KIAA0930: variants seen among roughly 807,000 people sequenced by gnomAD.
KIAA0930 encodes uncharacterized protein KIAA0930.
In KIAA0930, 24 loss-of-function variants were observed where a neutral mutation model predicts 43.9. That is an observed-to-expected ratio of 0.55 (90% CI 0.40 to 0.77). KIAA0930 has a LOEUF of 0.77. Ranked by LOEUF, KIAA0930 falls within the 30% of genes least tolerant of loss-of-function variation. The pLI is 0.00. For synonymous variants in KIAA0930, 259 were observed against 216.4 expected, an observed-to-expected ratio of 1.20 and a Z score of -1.73; for missense variants, 461 against 574.2, an observed-to-expected ratio of 0.80 and a Z score of 2.02.
At position 45,197,886 on chromosome 22, in the gene KIAA0930, C is replaced by CCAGGGACCGTCCTGTGCCCGA; in HGVS notation, c.1057_1077dup (p.Ser353_Leu359dup). 6.2e-7 allele frequency: 1 copy of CCAGGGACCGTCCTGTGCCCGA among 1,614,206 alleles called. No homozygotes were observed. The highest frequency in any genetic ancestry group is 8.5e-7 in the Non-Finnish European group (1 of 1,180,018). ...CTGTTCAGCTTCAGCCAGGACCCGA[C>CCAGGGACCGTCCTGTGCCCGA]CAGGGACCGTCCTGTGCCCGACAGG... is the stretch of plus-strand genomic sequence containing the variant. On this transcript the variant is annotated inframe_insertion, in exon 9 of 10. Coordinates refer to ENST00000336156, the MANE Select transcript of KIAA0930 (RefSeq NM_001009880.2).
chr22:45,205,412 A>G (rs986674608), intron 4 of KIAA0930, 94 bp from the exon 5 acceptor site: 1 of 1,142,746 alleles, frequency 8.8e-7, no homozygotes, highest in Non-Finnish European at 1.3e-6. Flanking sequence ...CACCCGGCCC[A>G]GAGCCAGTCC....
intron 1 of KIAA0930, among the ~76,000 whole-genome samples, chr22:45,233,578 C>A (rs1415718185): frequency 6.6e-6 from 1 of 152,122 alleles, no homozygotes; most frequent in Non-Finnish European, 1.5e-5. Context: ...AGCTGCAGAA[C>A]AGCCCGGGTG....
chr22:45,225,114 C>A (rs2083790754), intron 1 of KIAA0930, among the ~76,000 whole-genome samples: 1 of 152,100 alleles, frequency 6.6e-6, no homozygotes, highest in South Asian at 2.1e-4. Context: ...GTCCAGGCGG[C>A]CCTTGGCCCT....
intron 1 of KIAA0930, among the ~76,000 whole-genome samples, chr22:45,228,772 C>CCCCTACCACCACTCACCCGAAAG (rs1287985965): frequency 0.016 from 189 of 11,798 alleles, 43 homozygotes; most frequent in South Asian, 0.042. Flanking sequence ...GATCCCTCCC[C>CCCCTACCACCACTCACCCGAAAG]ATCCCCCCCA....
At chr22:45,238,051 G>T (rs978311715) in intron 1 of KIAA0930, among the ~76,000 whole-genome samples, 2 of 151,828 alleles carry the variant, frequency 1.3e-5, no homozygotes, top group Non-Finnish European at 2.9e-5. Flanking sequence ...CTCCTGAGTA[G>T]CTGCGACTAT....
intron 1 of KIAA0930, among the ~76,000 whole-genome samples, chr22:45,222,454 C>T (rs889070034): frequency 3.3e-5 from 5 of 152,054 alleles, no homozygotes; most frequent in Non-Finnish European, 7.4e-5. Flanking sequence ...GGACTATAGG[C>T]GCACGCCACC....
intron 9 of KIAA0930, 144 bp downstream of exon 9, chr22:45,197,646 A>G: frequency 1.4e-5 from 11 of 785,902 alleles, no homozygotes; most frequent in Middle Eastern, 2.7e-4. Context: ...GTCTGAGACA[A>G]AGAGGCCAAG....
intron 7 of KIAA0930, chr22:45,200,966 G>T (rs766032834): frequency 2.9e-5 from 15 of 519,152 alleles, no homozygotes; most frequent in East Asian, 2.2e-4. Context: ...GGTGAAGAAG[G>T]GGGGGAAGGG....
chr22:45,229,453 G>C (rs937196578), intron 1 of KIAA0930, among the ~76,000 whole-genome samples: 24 of 151,930 alleles, frequency 1.6e-4, no homozygotes, highest in African/African-American at 5.3e-4. Flanking sequence ...GGGATGAAAA[G>C]TCAGAGCCGT....
At chr22:45,240,027 G>A (rs988658853) in intron 1 of KIAA0930, among the ~76,000 whole-genome samples, 22 of 152,126 alleles carry the variant, frequency 1.4e-4, no homozygotes, top group African/African-American at 5.3e-4. Flanking sequence ...ATGACTTAAA[G>A]CCCAGAATCA....
chr22:45,203,013 G>T lies in KIAA0930; in HGVS notation c.829C>A (p.Pro277Thr). 6.2e-7 allele frequency: 1 copy of T among 1,612,002 alleles called. No individual in the cohort carries two copies. The highest frequency in any genetic ancestry group is 8.5e-7 in the Non-Finnish European group (1 of 1,179,078). ...SPCGTEEDSS[P>T]ASPMHERVTS... ...ACCCGCTCGTGCATGGGCGAAGCTG[G>T]GCTGGAGTCCTCTTCAGTCCCACAG... Residue 277 changes from proline to threonine, a missense_variant, in exon 7 of 10, where the codon CCA (proline) becomes ACA (threonine). Pro to Thr is a conservative substitution (Grantham distance 38, BLOSUM62 -1). Transcript: ENST00000336156.
At chr22:45,239,149 G>A (rs948662874) in intron 1 of KIAA0930, among the ~76,000 whole-genome samples, 14 of 152,314 alleles carry the variant, frequency 9.2e-5, no homozygotes, top group Admixed American at 7.2e-4. Flanking sequence ...GACAATAGGT[G>A]TGTGTGGACA....
intron 1 of KIAA0930, among the ~76,000 whole-genome samples, chr22:45,237,541 A>T (rs760722488): frequency 1.3e-5 from 2 of 152,266 alleles, no homozygotes; most frequent in Non-Finnish European, 2.9e-5. Context: ...ACACTGACTC[A>T]GAGAATGACA....
intron 7 of KIAA0930, chr22:45,200,943 T>G (rs1188680356): frequency 2.0e-6 from 1 of 494,824 alleles, no homozygotes; most frequent in Non-Finnish European, 4.2e-6. Flanking sequence ...GAAGGACGAG[T>G]AGGAGTTCGC....
Position 45,196,373 on chromosome 22 carries a change from C to T in KIAA0930, c.*803G>A, listed in dbSNP as rs1601805095. Reference sequence around the variant, plus strand: ...GGAGGATGCCAGCCCCACCCCACATCAGACACCCTTTGGCAGATATCCTGT... The same window carrying T: ...GGAGGATGCCAGCCCCACCCCACATTAGACACCCTTTGGCAGATATCCTGT... On this transcript the variant is annotated 3_prime_UTR_variant, in exon 10 of 10. Transcript: ENST00000336156. The surrounding 1 kb of genome is among the most constrained non-coding windows in gnomAD (Gnocchi z 4.1). 1 of 152,724 alleles carries T rather than the reference C, an allele frequency of 6.5e-6. No individual in the cohort carries two copies. Among genetic ancestry groups the T allele is most frequent in the East Asian group, 1.9e-4 (1 of 5,204 alleles). 9.5% of individuals were successfully genotyped at this position (152,724 alleles called of 1,614,324 possible).
In KIAA0930 at chr22:45,197,168, G is replaced by C. The variant is rs576071946; in HGVS notation, c.*8C>G. The C allele has an allele frequency of 2.1e-5, 33 of 1,547,108 alleles. No individual in the cohort carries two copies. The South Asian group carries it at 3.4e-4, about 16-fold the overall frequency. On this transcript the variant is annotated 3_prime_UTR_variant, in exon 10 of 10. Coordinates refer to ENST00000336156, the MANE Select transcript of KIAA0930 (RefSeq NM_001009880.2). The stretch of plus-strand genomic sequence containing the variant: ...CCGGCCGGGGCTCTGCGCAGGCTCC[G>C]CACGCGGCTAGGTCATCAGGATGGG...
At chr22:45,228,699 C>A (rs146570130) in intron 1 of KIAA0930, among the ~76,000 whole-genome samples, 2 of 147,574 alleles carry the variant, frequency 1.4e-5, no homozygotes, top group Admixed American at 6.9e-5. Flanking sequence ...TCTCCACCCC[C>A]CCAACCACCA....
intron 1 of KIAA0930, among the ~76,000 whole-genome samples, chr22:45,228,899 A>T (rs371073059): frequency 1.3e-3 from 2 of 1,550 alleles, no homozygotes; most frequent in Non-Finnish European, 9.9e-4. Flanking sequence ...CCATCCCCCC[A>T]ACCACTCACC....
chr22:45,205,819 C>T lies in KIAA0930; in HGVS notation c.310G>A (p.Val104Ile), dbSNP rs146302383. ...TTCTGCAGGATGAGATTCAGGCAGACGCTCTCCTCCCAGTCGATGTCAGGG... is the reference window on the plus strand; with the variant it reads ...TTCTGCAGGATGAGATTCAGGCAGATGCTCTCCTCCCAGTCGATGTCAGGG... ...GDPDIDWEES[V>I]CLNLILQKLD... Residue 104 changes from valine to isoleucine, a missense_variant, in exon 3 of 10, where the codon GTC becomes ATC. Coordinates refer to ENST00000336156, the MANE Select transcript of KIAA0930 (RefSeq NM_001009880.2). The T allele has an allele frequency of 1.3e-6, 2 of 1,532,222 alleles. No individual in the cohort carries two copies. The highest frequency in any genetic ancestry group is 1.8e-6 in the Non-Finnish European group (2 of 1,132,980). 94.9% of individuals were successfully genotyped at this position (1,532,222 alleles called of 1,614,324 possible).
Sources: gnomAD v4.1 joint callset for allele counts (sites outside exome capture counted in the v4.1 genomes callset) on GRCh38, gnomAD v4.1.1 for gene constraint, Gnocchi (gnomAD v3.1) non-coding constraint, MANE v1.5 for transcripts, NCBI Gene and HGNC (gene_info 2026-07-23, HGNC 2026-07-21) for gene names.